The following COL1A1 variants were observed in gnomAD, a reference collection of about 807,000 sequenced individuals.
COL1A1 encodes collagen alpha-1(I) chain.
In COL1A1, 21 loss-of-function variants were observed where a neutral mutation model predicts 195.7. The observed-to-expected ratio is 0.11, with a 90% confidence interval of 0.08 to 0.15. COL1A1 has a LOEUF of 0.15. Among genes scored for constraint, COL1A1 ranks in the 10% least tolerant of loss-of-function variants. The probability of loss-of-function intolerance (pLI) is 1.00; values close to 1 mark genes in which losing one functional copy is unlikely to be tolerated. For synonymous variants in COL1A1, 749 were observed against 747.3 expected (o/e 1.00, Z -0.04); for missense variants, 1,365 against 2,051.0 (o/e 0.67, Z 6.46).
chr17:50,187,228 A>G (rs1475310679), intron 46 of COL1A1, 106 bp from the exon 47 acceptor site: 1 of 1,006,490 alleles, frequency 9.9e-7, no homozygotes, highest in African/African-American at 1.6e-5. Context: ...CCCACGGCTC[A>G]TAGAGCCAGC....
rs1238848569 is a variant in COL1A1 at position 50,185,864 on chromosome 17, G to C, written c.4162C>G (p.Leu1388Val). ...DQQTGNLKKALLLQGSNEIEI... is the reference protein window; with the variant it reads ...DQQTGNLKKAVLLQGSNEIEI... ...ATCTCGTTGGAGCCCTGGAGGAGCAGGGCCTTCTTGAGGTTGCCAGTCTGC... is the reference window on the plus strand; with the variant it reads ...ATCTCGTTGGAGCCCTGGAGGAGCACGGCCTTCTTGAGGTTGCCAGTCTGC... Residue 1388 changes from leucine (L) to valine (V), a missense_variant, in exon 50 of 51, where the codon CTG (leucine) becomes GTG (valine). Leu to Val is a conservative substitution (Grantham distance 32, BLOSUM62 1). Transcript: ENST00000225964. 2 of 1,614,150 alleles carry C rather than the reference G, an allele frequency of 1.2e-6. No individual in the cohort carries two copies.
rs1356071073 is a variant in COL1A1 at position 50,189,969 on chromosome 17, G to A, written c.2559+32C>T. 1.1e-5 allele frequency: 18 copies of A among 1,613,020 alleles called. No individual in the cohort carries two copies. Among genetic ancestry groups the A allele is most frequent in the Non-Finnish European group, 1.4e-5 (16 of 1,179,480 alleles). On this transcript the variant is annotated intron_variant, in intron 36 of 50. Transcript: ENST00000225964. This position sits in a 1 kb window ranked among gnomAD's most constrained non-coding sequence, Gnocchi z 5.5. ...ACCCGTCCTGGGTCCCAGCCCACCAGCCTCGTGGGCACAGAGGGCCAAGCC... is the reference window on the plus strand; with the variant it reads ...ACCCGTCCTGGGTCCCAGCCCACCAACCTCGTGGGCACAGAGGGCCAAGCC...
chr17:50,193,364 C>T (rs1308429778), intron 25 of COL1A1: 1 of 496,036 alleles, frequency 2.0e-6, no homozygotes, highest in Non-Finnish European at 3.6e-6. Flanking sequence ...CCTATCATAT[C>T]AAAGGCCTGT....
intron 11 of COL1A1, 43 bp from the exon 12 acceptor site, chr17:50,196,713 G>T: frequency 6.2e-7 from 1 of 1,603,974 alleles, no homozygotes; most frequent in East Asian, 2.2e-5. Context: ...TGTGGAGGGG[G>T]TGGAACAGCC....
intron 1 of COL1A1, chr17:50,200,266 A>G (rs542721613): frequency 3.3e-4 from 134 of 403,460 alleles, no homozygotes; most frequent in African/African-American, 2.7e-3. Flanking sequence ...TGAGAGGGGG[A>G]GGGCGGGGGG....
At position 50,198,165 on chromosome 17, in the gene COL1A1, G is replaced by A. The variant is rs533106127; in HGVS notation, c.584C>T (p.Ala195Val). Reference protein sequence around the residue: ...GPRGLPGPPGAPGPQGFQGPP... With the variant: ...GPRGLPGPPGVPGPQGFQGPP... ...GAAGACGTCCTGGATACTCACAGGTGCACCAGGGGGGCCAGGGAGACCACG... is the reference window on the plus strand; with the variant it reads ...GAAGACGTCCTGGATACTCACAGGTACACCAGGGGGGCCAGGGAGACCACG... Residue 195 changes from alanine to valine, a missense_variant, in exon 7 of 51, where the codon GCA (alanine) becomes GTA (valine). Physicochemically the swap from Ala to Val is moderately conservative, Grantham distance 64. Coordinates refer to ENST00000225964, the MANE Select transcript of COL1A1 (RefSeq NM_000088.4). The A allele has an allele frequency of 2.5e-6, 4 of 1,614,122 alleles. No homozygotes were observed. In the South Asian group the frequency reaches 4.4e-5, roughly 18 times the overall value.
chr17:50,191,943 C>A (rs373802214), intron 30 of COL1A1, 37 bp downstream of exon 30: 3 of 1,610,658 alleles, frequency 1.9e-6, no homozygotes, highest in Non-Finnish European at 1.7e-6. Context: ...CCAAGTACGA[C>A]GCACCTTGAC....
chr17:50,187,852 TG>T, intron 45 of COL1A1, 23 bp downstream of exon 45: 1 of 1,561,162 alleles, frequency 6.4e-7, no homozygotes. Context: ...GCATGGGGAC[TG>T]GGGAGGGGCT....
chr17:50,184,542 T>C lies in COL1A1; in HGVS notation c.*960A>G, dbSNP rs1906303685. On this transcript the variant is annotated 3_prime_UTR_variant, in exon 51 of 51. Coordinates refer to ENST00000225964, the MANE Select transcript of COL1A1 (RefSeq NM_000088.4). ...TAGACTTTGAACAAAAAGGAACATT[T>C]GCTGGCCTGGGGGGGCATCTCAATT... 4.3e-6 allele frequency: 1 copy of C among 231,772 alleles called. No individual in the cohort carries two copies. Among genetic ancestry groups the C allele is most frequent in the South Asian group, 1.8e-4 (1 of 5,500 alleles). 14.4% of individuals were successfully genotyped at this position (231,772 alleles called of 1,614,324 possible). A position where few individuals can be genotyped will look rare whatever the true frequency, so the allele number is the denominator to read the frequency against.
In COL1A1 at chr17:50,194,244, A is replaced by C. The variant is rs767261891; in HGVS notation, c.1615-61T>G. ...AGAAGCATGATGGAGGTGGGGGAGG[A>C]CTCCAGAGGGCAGACCCTTGGGCCT... On this transcript the variant is annotated intron_variant, in intron 23 of 50. Coordinates refer to ENST00000225964, the MANE Select transcript of COL1A1 (RefSeq NM_000088.4). The surrounding 1 kb of genome is among the most constrained non-coding windows in gnomAD (Gnocchi z 6.8). The C allele has an allele frequency of 2.6e-5, 41 of 1,589,296 alleles. No individual in the cohort carries two copies. The highest frequency in any genetic ancestry group is 1.8e-5 in the Non-Finnish European group (21 of 1,159,434).
Position 50,194,961 on chromosome 17 carries a change from G to GGGCTCCTC in COL1A1, c.1353+78_1353+85dup. ...GGCAGGGACTCCCCCAGAAGACTAG[G>GGGCTCCTC]GGCTCCTCTTCCTTTCTGGATTTCC... On this transcript the variant is annotated intron_variant, in intron 20 of 50. Coordinates refer to ENST00000225964, the MANE Select transcript of COL1A1 (RefSeq NM_000088.4). This position sits in a 1 kb window ranked among gnomAD's most constrained non-coding sequence, Gnocchi z 6.8. 1 of 1,498,042 alleles carries GGGCTCCTC rather than the reference G, an allele frequency of 6.7e-7. No individual in the cohort carries two copies. The highest frequency in any genetic ancestry group is 9.3e-7 in the Non-Finnish European group (1 of 1,078,874). The allele number at this position is 1,498,042 out of a possible 1,614,324, so 92.8% of individuals were successfully genotyped here. A position where few individuals can be genotyped will look rare whatever the true frequency, so the allele number is the denominator to read the frequency against.
chr17:50,196,719 C>T (rs891015047), intron 11 of COL1A1, 49 bp from the exon 12 acceptor site: 3 of 1,584,664 alleles, frequency 1.9e-6, no homozygotes, highest in Non-Finnish European at 2.6e-6. Context: ...GGGGGTGGAA[C>T]AGCCTTGACA....
chr17:50,194,803 G>A lies in COL1A1; in HGVS notation c.1379C>T (p.Pro460Leu). ...EPGPVGVQGP[P>L]GPAGEEGKRG... is the part of the protein sequence containing the mutation. ...CTTTCCTTCCTCTCCAGCAGGGCCA[G>A]GGGGTCCTTGAACACCAACAGGGCC... The change falls in exon 21 of 51, where the codon CCT becomes CTT. Residue 460 changes from proline (P) to leucine (L), a missense_variant. By Grantham distance (98) the Pro-to-Leu change is moderately conservative. Around this residue, in one of 5 missense-constraint regions of COL1A1, gnomAD observed 671 missense variants for 1,099.9 expected, o/e 0.61. Transcript: ENST00000225964. This position sits in a 1 kb window ranked among gnomAD's most constrained non-coding sequence, Gnocchi z 6.8. The A allele has an allele frequency of 6.4e-7, 1 of 1,570,452 alleles. No homozygotes were observed. Among genetic ancestry groups the A allele is most frequent in the Non-Finnish European group, 8.6e-7 (1 of 1,157,086 alleles).
chr17:50,194,342 G>GC lies in COL1A1; in HGVS notation c.1614+6dup. On this transcript the variant is annotated splice_region_variant and intron_variant, in intron 23 of 50. Transcript: ENST00000225964. The surrounding 1 kb of genome is among the most constrained non-coding windows in gnomAD (Gnocchi z 6.8). ...GGCCAAGCCAGGCTGAAAGCCTGGG[G>GC]CCTCACCTTGGCACCAGGCAGACCA... 7.4e-6 allele frequency: 12 copies of GC among 1,614,040 alleles called. No homozygotes were observed. Among genetic ancestry groups the GC allele is most frequent in the Non-Finnish European group, 1.0e-5 (12 of 1,179,968 alleles).
rs2144548775 is a variant in COL1A1 at position 50,189,172 on chromosome 17, G to A, written c.2933C>T (p.Pro978Leu). 8 of 1,613,824 alleles carry A rather than the reference G, an allele frequency of 5.0e-6. No homozygotes were observed. Among genetic ancestry groups the A allele is most frequent in the Non-Finnish European group, 6.8e-6 (8 of 1,179,880 alleles). The change falls in exon 40 of 51, where the codon CCC becomes CTC. Residue 978 changes from proline (P) to leucine (L), a missense_variant. This residue lies in a region of COL1A1 where 671 missense variants were observed against 1,099.9 expected (regional missense o/e 0.61). Transcript: ENST00000225964. The surrounding 1 kb of genome is among the most constrained non-coding windows in gnomAD (Gnocchi z 5.5). ...CAAGGTGAGGGGGGCACTTACAGAG[G>A]GGCCAGGAAGACCAGGGAAGCCTCT... ...GERGFPGLPG[P>L]SGEPGKQGPS...
chr17:50,199,368 G>T (rs566914390), intron 4 of COL1A1, 41 bp from the exon 5 acceptor site: 2 of 1,608,496 alleles, frequency 1.2e-6, no homozygotes, highest in Admixed American at 1.7e-5. Context: ...GCGTGGGGCC[G>T]AGAGCCATGC....
chr17:50,196,709 G>A (rs192202103), intron 11 of COL1A1, 39 bp from the exon 12 acceptor site: 48 of 1,608,900 alleles, frequency 3.0e-5, no homozygotes, highest in African/African-American at 2.5e-4. Context: ...AACCTGTGGA[G>A]GGGGTGGAAC....
At position 50,196,136 on chromosome 17, in the gene COL1A1, G is replaced by C. The variant is rs949792060; in HGVS notation, c.1002+19C>G. On this transcript the variant is annotated intron_variant, in intron 15 of 50. Coordinates refer to ENST00000225964, the MANE Select transcript of COL1A1 (RefSeq NM_000088.4). ...CCCCTCCCCACTCCCAGGCCCTGAGGCCTACAGGCCACACTCACAGGGGGC... is the reference window on the plus strand; with the variant it reads ...CCCCTCCCCACTCCCAGGCCCTGAGCCCTACAGGCCACACTCACAGGGGGC... The C allele has an allele frequency of 6.2e-7, 1 of 1,613,790 alleles. No homozygotes were observed. The highest frequency in any genetic ancestry group is 1.3e-5 in the African/African-American group (1 of 74,872).
In COL1A1 at chr17:50,201,493, G is replaced by A. The variant is rs760612687; in HGVS notation, c.21C>T (p.Leu7=). MFSFVD[L]RLLLLLAATA... The stretch of plus-strand genomic sequence containing the variant: ...TGGCCGCTAAGAGGAGCAGGAGCCG[G>A]AGGTCCACAAAGCTGAACATGTCTA... The change falls in exon 1 of 51, where the codon CTC becomes CTT. Residue 7 remains leucine (L), a synonymous_variant. Coordinates refer to ENST00000225964, the MANE Select transcript of COL1A1 (RefSeq NM_000088.4). 1 of 1,612,242 alleles carries A rather than the reference G, an allele frequency of 6.2e-7. No individual in the cohort carries two copies. Among genetic ancestry groups the A allele is most frequent in the Admixed American group, 1.7e-5 (1 of 60,030 alleles).
Sources: allele counts gnomAD v4.1 joint callset, GRCh38; gene constraint gnomAD v4.1.1; regional missense constraint gnomAD v4.1.1; non-coding constraint Gnocchi (gnomAD v3.1); transcripts MANE v1.5; gene names NCBI Gene and HGNC (gene_info 2026-07-23, HGNC 2026-07-21).